The following CYP26B1 variants were observed in gnomAD, a reference collection of about 807,000 sequenced individuals.
The protein encoded by CYP26B1 is cytochrome P450 family 26 subfamily B member 1.
CYP26B1 carries 8 observed loss-of-function variants against 39.1 expected under a neutral mutation model. The ratio of observed to expected loss-of-function variants is 0.20; its 90% CI spans 0.12 to 0.37. The LOEUF (loss-of-function observed/expected upper bound fraction) is 0.37. Among genes scored for constraint, CYP26B1 ranks in the 10% least tolerant of loss-of-function variants. The probability of loss-of-function intolerance (pLI) is 1.00; values close to 1 mark genes in which losing one functional copy is unlikely to be tolerated. For synonymous variants in CYP26B1, 321 were observed against 314.3 expected (o/e 1.02, Z -0.23); for missense variants, 615 against 707.0 (o/e 0.87, Z 1.48).
Position 72,132,059 on chromosome 2 carries a change from A to C in CYP26B1, c.*168T>G. On this transcript the variant is annotated 3_prime_UTR_variant, in exon 6 of 6. Transcript: ENST00000001146. ...CCAGAAGGGGAGCCCAGCCCTAGGA[A>C]TGGGGCCCACTGGCTTTGGGTAGGG... The C allele has an allele frequency of 1.4e-6, 1 of 726,848 alleles. No homozygotes were observed. The highest frequency in any genetic ancestry group is 2.7e-5 in the East Asian group (1 of 36,514). The allele number at this position is 726,848 out of a possible 1,614,324, so 45.0% of individuals were successfully genotyped here. A position where few individuals can be genotyped will look rare whatever the true frequency, so the allele number is the denominator to read the frequency against.
intron 2 of CYP26B1, among the ~76,000 whole-genome samples, chr2:72,138,372 T>C (rs1487143622): frequency 6.6e-6 from 1 of 151,706 alleles, no homozygotes; most frequent in Non-Finnish European, 1.5e-5. Flanking sequence ...CAGGGCGGCG[T>C]CAGGGCGGGC....
Position 72,130,645 on chromosome 2 carries a change from C to G in CYP26B1, c.*1582G>C, listed in dbSNP as rs917046216. 1 of 152,114 alleles carries G rather than the reference C, an allele frequency of 6.6e-6. No individual in the cohort carries two copies. Among genetic ancestry groups the G allele is most frequent in the Non-Finnish European group, 1.5e-5 (1 of 68,028 alleles). 9.4% of individuals were successfully genotyped at this position (152,114 alleles called of 1,614,324 possible). On this transcript the variant is annotated 3_prime_UTR_variant, in exon 6 of 6. Coordinates refer to ENST00000001146, the MANE Select transcript of CYP26B1 (RefSeq NM_019885.4). ...ATCAAAAACCAATAAACACAGAAAG[C>G]AAGGAAAAATCTAGAGACTCACCAA...
At chr2:72,145,438 T>C (rs866957961) in intron 1 of CYP26B1, among the ~76,000 whole-genome samples, 16 of 152,106 alleles carry the variant, frequency 1.1e-4, no homozygotes, top group African/African-American at 3.9e-4. Flanking sequence ...GGGAACGCTG[T>C]CCCCCTCCCA....
intron 2 of CYP26B1, chr2:72,143,185 G>A (rs1676996437): frequency 6.4e-6 from 1 of 155,554 alleles, no homozygotes; most frequent in African/African-American, 2.4e-5. Flanking sequence ...CCTCCCTCCC[G>A]GCGGCTTAGG....
Position 72,131,122 on chromosome 2 carries a change from G to A in CYP26B1, c.*1105C>T, listed in dbSNP as rs1181224563. On this transcript the variant is annotated 3_prime_UTR_variant, in exon 6 of 6. Coordinates refer to ENST00000001146, the MANE Select transcript of CYP26B1 (RefSeq NM_019885.4). ...CAGGGCCAGTGCACTGGGGTGAACA[G>A]GGGCCAAACAGGAAATCGTGGCCGC... 1 of 152,644 alleles carries A rather than the reference G, an allele frequency of 6.6e-6. No homozygotes were observed. Among genetic ancestry groups the A allele is most frequent in the East Asian group, 1.9e-4 (1 of 5,190 alleles). The allele number at this position is 152,644 out of a possible 1,614,324, so 9.5% of individuals were successfully genotyped here.
In CYP26B1 at chr2:72,143,262, C is replaced by T. The variant is rs189879565; in HGVS notation, c.429+727G>A. 8.0e-3 allele frequency among the ~76,000 whole-genome samples: 1,217 copies of T among 152,354 alleles called. 48 individuals are homozygous for T. The highest frequency in any genetic ancestry group is 0.069 in the Admixed American group (1,060 of 15,304). ...CAGCACGTGCCGCCAGCGCTGGGAG[C>T]CTAGCGCAGCCGGGAGGGGCGGGGG... is the stretch of plus-strand genomic sequence containing the variant. On this transcript the variant is annotated intron_variant, in intron 2 of 5. Transcript: ENST00000001146.
intron 2 of CYP26B1, among the ~76,000 whole-genome samples, chr2:72,137,615 G>A (rs1384907182): frequency 6.6e-6 from 1 of 152,234 alleles, no homozygotes; most frequent in African/African-American, 2.4e-5. Flanking sequence ...GCCCTGCCCT[G>A]CCCTGCCCCG....
intron 1 of CYP26B1, among the ~76,000 whole-genome samples, chr2:72,144,686 G>A (rs1412393556): frequency 1.3e-5 from 2 of 152,230 alleles, no homozygotes; most frequent in African/African-American, 2.4e-5. Flanking sequence ...CTACAGATGG[G>A]GGTTGGAGTT....
chr2:72,140,350 C>T lies in CYP26B1; in HGVS notation c.429+3639G>A, dbSNP rs193169885. Among the ~76,000 whole-genome samples, 126 of 152,364 alleles carry T rather than the reference C, an allele frequency of 8.3e-4. 2 individuals are homozygous for T. Among genetic ancestry groups the T allele is most frequent in the Admixed American group, 8.0e-3 (122 of 15,310 alleles). ...TTCAGATAGATCCGCTCCTGCTACCCGCCCCCCTCAGCAGCCCCTGTGCCC... is the reference window on the plus strand; with the variant it reads ...TTCAGATAGATCCGCTCCTGCTACCTGCCCCCCTCAGCAGCCCCTGTGCCC... On this transcript the variant is annotated intron_variant, in intron 2 of 5. Transcript: ENST00000001146.
In CYP26B1 at chr2:72,131,334, C is replaced by T. The variant is rs927347599; in HGVS notation, c.*893G>A. On this transcript the variant is annotated 3_prime_UTR_variant, in exon 6 of 6. Coordinates refer to ENST00000001146, the MANE Select transcript of CYP26B1 (RefSeq NM_019885.4). The stretch of plus-strand genomic sequence containing the variant: ...CCTAGGCCCTGGGGGCTGGGTTTGA[C>T]CAGAGACCCCTTCCTCTTCACTCAC... The T allele has an allele frequency of 6.6e-6, 1 of 152,242 alleles. No homozygotes were observed. The highest frequency in any genetic ancestry group is 1.5e-5 in the Non-Finnish European group (1 of 68,058). The allele number at this position is 152,242 out of a possible 1,614,324, so 9.4% of individuals were successfully genotyped here. A position where few individuals can be genotyped will look rare whatever the true frequency, so the allele number is the denominator to read the frequency against.
Position 72,135,296 on chromosome 2 carries a change from C to A in CYP26B1, c.553G>T (p.Ala185Ser), listed in dbSNP as rs1676734446. The change falls in exon 3 of 6, where the codon GCG becomes TCG. Residue 185 changes from alanine to serine, a missense_variant. Ala to Ser is a moderately conservative substitution (Grantham distance 99). Coordinates refer to ENST00000001146, the MANE Select transcript of CYP26B1 (RefSeq NM_019885.4). ...HPEAINVYQE[A>S]QKLTFRMAIR... Reference sequence around the variant, plus strand: ...GCCATGCGGAAGGTCAGCTTCTGCGCCTCCTGGTACACGTTGATGGCCTCG... The same window carrying A: ...GCCATGCGGAAGGTCAGCTTCTGCGACTCCTGGTACACGTTGATGGCCTCG... The A allele has an allele frequency of 6.2e-7, 1 of 1,613,996 alleles. No homozygotes were observed. The highest frequency in any genetic ancestry group is 8.5e-7 in the Non-Finnish European group (1 of 1,180,054).
At chr2:72,141,181 C>T (rs867647108) in intron 2 of CYP26B1, among the ~76,000 whole-genome samples, 1 of 152,172 alleles carries the variant, frequency 6.6e-6, no homozygotes, top group African/African-American at 2.4e-5. Context: ...GGGATGGGGT[C>T]CCTCCCCCAT....
intron 2 of CYP26B1, among the ~76,000 whole-genome samples, chr2:72,138,800 GCCC>G (rs376114659): frequency 1.2e-4 from 18 of 152,164 alleles, no homozygotes; most frequent in African/African-American, 4.3e-4. Flanking sequence ...CCCCTGCCAA[GCCC>G]CCAAGGACAC....
intron 2 of CYP26B1, 95 bp downstream of exon 2, chr2:72,143,894 C>A: frequency 7.0e-7 from 1 of 1,431,362 alleles, no homozygotes; most frequent in Non-Finnish European, 9.7e-7. Flanking sequence ...CAAAGGGGGG[C>A]ACAGATTCGG....
rs956670938 is a variant in CYP26B1, at chr2:72,131,967, C to A, written c.*260G>T. 1.4e-5 allele frequency: 8 copies of A among 564,896 alleles called. No homozygotes were observed. The highest frequency in any genetic ancestry group is 9.3e-5 in the Admixed American group (3 of 32,416). The allele number at this position is 564,896 out of a possible 1,614,324, so 35.0% of individuals were successfully genotyped here. Reference sequence around the variant, plus strand: ...CTAACACTGTCACGGGCATGCAGAGCCCCTGCCACGCCCTTCCCAGGGGCT... The same window carrying A: ...CTAACACTGTCACGGGCATGCAGAGACCCTGCCACGCCCTTCCCAGGGGCT... On this transcript the variant is annotated 3_prime_UTR_variant, in exon 6 of 6. Transcript: ENST00000001146.
chr2:72,136,308 A>G (rs555878739), intron 2 of CYP26B1, among the ~76,000 whole-genome samples: 1 of 152,142 alleles, frequency 6.6e-6, no homozygotes, highest in Non-Finnish European at 1.5e-5. Flanking sequence ...ACTCCACCCC[A>G]TGCAAACCAC....
At chr2:72,144,722 G>A (rs1458126937) in intron 1 of CYP26B1, among the ~76,000 whole-genome samples, 1 of 152,240 alleles carries the variant, frequency 6.6e-6, no homozygotes, top group Admixed American at 6.5e-5. Flanking sequence ...TGTGGCCCGC[G>A]CAGGGACCCG....
At chr2:72,136,085 T>A (rs2104057416) in intron 2 of CYP26B1, among the ~76,000 whole-genome samples, 1 of 151,814 alleles carries the variant, frequency 6.6e-6, no homozygotes, top group East Asian at 1.9e-4. Flanking sequence ...GCAGCCCCCC[T>A]TGCCACCCTC....
chr2:72,133,448 A>C, intron 4 of CYP26B1, 141 bp from the exon 5 acceptor site: 1 of 1,119,246 alleles, frequency 8.9e-7, no homozygotes, highest in Non-Finnish European at 1.3e-6. Context: ...GCTTCCTCTG[A>C]GCTTCATGTT....
Sources: gnomAD v4.1 joint callset for allele counts (sites outside exome capture counted in the v4.1 genomes callset) on GRCh38, gnomAD v4.1.1 for gene constraint, MANE v1.5 for transcripts, NCBI Gene and HGNC (gene_info 2026-07-23, HGNC 2026-07-21) for gene names.